The following YWHAE variants were observed in gnomAD, a reference collection of about 807,000 sequenced individuals.
YWHAE encodes the protein tyrosine 3-monooxygenase/tryptophan 5-monooxygenase activation protein epsilon.
In YWHAE, 4 loss-of-function variants were observed where a neutral mutation model predicts 30.1. The observed-to-expected ratio is 0.13, with a 90% CI of 0.07 to 0.30. The LOEUF (loss-of-function observed/expected upper bound fraction) is 0.30, where lower values mean the gene tolerates loss of function less well. Ranked by LOEUF, YWHAE falls within the 10% of genes least tolerant of loss-of-function variation. The probability of loss-of-function intolerance (pLI) is 1.00; values close to 1 mark genes in which losing one functional copy is unlikely to be tolerated. For missense variants in YWHAE, 121 were observed against 315.9 expected (o/e 0.38, Z 4.68); for synonymous variants, 118 against 111.8 (o/e 1.06, Z -0.35).
rs2072855982 is a variant in YWHAE at position 1,361,034 on chromosome 17, C to T, written c.578+58G>A. The T allele has an allele frequency of 4.6e-6, 7 of 1,526,364 alleles. No homozygotes were observed. The South Asian group carries it at 6.8e-5, about 15-fold the overall frequency. The allele number at this position is 1,526,364 out of a possible 1,614,324, so 94.6% of individuals were successfully genotyped here. On this transcript the variant is annotated intron_variant, in intron 4 of 5. Coordinates refer to ENST00000264335, the MANE Select transcript of YWHAE (RefSeq NM_006761.5). ...GGCCCAAGAAACAACACGGAAAACC[C>T]AAACAGCGCCCCCCTTAACTTTCAC...
chr17:1,399,696 A>C lies in YWHAE; in HGVS notation c.64+351T>G, dbSNP rs530603068. 1.8e-3 allele frequency: 809 copies of C among 461,904 alleles called. 3 individuals are homozygous for C. Among genetic ancestry groups the C allele is most frequent in the Middle Eastern group, 2.5e-3 (4 of 1,622 alleles). 28.6% of individuals were successfully genotyped at this position (461,904 alleles called of 1,614,324 possible). On this transcript the variant is annotated intron_variant, in intron 1 of 5. Transcript: ENST00000264335. ...CTCCACATCCCAAGGCCGTCCCAGA[A>C]GCTCCCATGAGGGTGGCTCGTTCGG...
chr17:1,392,877 C>T (rs1387724117), intron 1 of YWHAE, among the ~76,000 whole-genome samples: 1 of 150,494 alleles, frequency 6.6e-6, no homozygotes, highest in Non-Finnish European at 1.5e-5. Context: ...TGTATGACTA[C>T]ATCACTAACC....
At chr17:1,387,876 T>G (rs971010571) in intron 1 of YWHAE, among the ~76,000 whole-genome samples, 4 of 150,870 alleles carry the variant, frequency 2.7e-5, no homozygotes, top group Non-Finnish European at 1.5e-5. Flanking sequence ...TCCACCCTTC[T>G]TGGCCTCCCA....
intron 4 of YWHAE, among the ~76,000 whole-genome samples, chr17:1,355,297 C>A (rs1202044027): frequency 6.7e-6 from 1 of 150,320 alleles, no homozygotes; most frequent in Non-Finnish European, 1.5e-5. Flanking sequence ...GCCGGGACTA[C>A]AGGCGCCCGC....
intron 3 of YWHAE, 95 bp downstream of exon 3, chr17:1,361,807 C>T (rs1033188422): frequency 1.3e-5 from 9 of 706,092 alleles, no homozygotes; most frequent in South Asian, 2.8e-5. Context: ...AACAATTATT[C>T]TTAAATAAAA....
Position 1,368,167 on chromosome 17 carries a change from A to G in YWHAE, c.65-3109T>C, listed in dbSNP as rs201846038. Among the ~76,000 whole-genome samples, 3 of 152,228 alleles carry G rather than the reference A, an allele frequency of 2.0e-5. No individual in the cohort carries two copies. In the East Asian group the frequency reaches 5.8e-4, roughly 29 times the overall value. On this transcript the variant is annotated intron_variant, in intron 1 of 5. Coordinates refer to ENST00000264335, the MANE Select transcript of YWHAE (RefSeq NM_006761.5). ...TTTGGGAGGCCGAGGCAGGCAGATCACCTGAGGTCGGGAGATCGAGACCAG... is the reference window on the plus strand; with the variant it reads ...TTTGGGAGGCCGAGGCAGGCAGATCGCCTGAGGTCGGGAGATCGAGACCAG...
chr17:1,349,429 T>C (rs2072583994), intron 5 of YWHAE, among the ~76,000 whole-genome samples: 1 of 152,214 alleles, frequency 6.6e-6, no homozygotes, highest in African/African-American at 2.4e-5. Context: ...CAGAGTTTGT[T>C]AGTTGTACCG....
chr17:1,361,941 G>A lies in YWHAE; in HGVS notation c.332C>T (p.Ala111Val), dbSNP rs2072870870. 1 of 1,608,386 alleles carries A rather than the reference G, an allele frequency of 6.2e-7. No homozygotes were observed. The highest frequency in any genetic ancestry group is 1.1e-5 in the South Asian group (1 of 89,592). ...AACCTTGGACTCGCCAGTGTTAGCT[G>A]CTGGAATGAGGTGTTTGTCCAGTAC... Reference protein sequence around the residue: ...LDVLDKHLIPAANTGESKVFY... With the variant: ...LDVLDKHLIPVANTGESKVFY... The change falls in exon 3 of 6, where the codon GCA (alanine) becomes GTA (valine). Residue 111 changes from alanine to valine, a missense_variant. Coordinates refer to ENST00000264335, the MANE Select transcript of YWHAE (RefSeq NM_006761.5).
At chr17:1,374,017 T>C (rs1473139645) in intron 1 of YWHAE, among the ~76,000 whole-genome samples, 2 of 152,136 alleles carry the variant, frequency 1.3e-5, no homozygotes, top group Non-Finnish European at 2.9e-5. Context: ...TATACTATGC[T>C]TTAAAAATCC....
chr17:1,345,208 G>A lies in YWHAE; in HGVS notation c.*239C>T, dbSNP rs373719775. The stretch of plus-strand genomic sequence containing the variant: ...AAAAAGCCTCTATGTAGTCCTGTTA[G>A]TGTCTTAAAGAACCTAAAAGCTGGG... On this transcript the variant is annotated 3_prime_UTR_variant, in exon 6 of 6. Coordinates refer to ENST00000264335, the MANE Select transcript of YWHAE (RefSeq NM_006761.5). 5.4e-6 allele frequency: 3 copies of A among 558,836 alleles called. No homozygotes were observed. Among genetic ancestry groups the A allele is most frequent in the East Asian group, 2.9e-5 (1 of 34,172 alleles). 34.6% of individuals were successfully genotyped at this position (558,836 alleles called of 1,614,324 possible).
intron 1 of YWHAE, among the ~76,000 whole-genome samples, chr17:1,388,101 G>C (rs138521113): frequency 1.6e-5 from 1 of 62,358 alleles, no homozygotes; most frequent in East Asian, 4.7e-4. Flanking sequence ...GGTAATTTTT[G>C]TTTTTTTTTT....
intron 4 of YWHAE, among the ~76,000 whole-genome samples, chr17:1,359,912 AGACGGGGAGGGGGAGGGGGGGAG>A (rs2072830808): frequency 2.6e-5 from 1 of 38,654 alleles, no homozygotes; most frequent in Non-Finnish European, 4.5e-5. Flanking sequence ...AGAGAGAGGG[AGACGGGGAGGGGGAGGGGGGGAG>A]GAGGGGGAGG....
At chr17:1,365,623 G>A (rs2072929974) in intron 1 of YWHAE, among the ~76,000 whole-genome samples, 1 of 152,148 alleles carries the variant, frequency 6.6e-6, no homozygotes, top group Non-Finnish European at 1.5e-5. Context: ...GGCGAGCAAA[G>A]AAAGGGGCCC....
chr17:1,351,560 G>A (rs977223993), intron 5 of YWHAE, among the ~76,000 whole-genome samples: 2 of 152,096 alleles, frequency 1.3e-5, no homozygotes, highest in African/African-American at 2.4e-5. Context: ...AGAGATACTA[G>A]CATCTGAGCT....
chr17:1,354,964 G>GTTTTTT (rs56351171), intron 4 of YWHAE, among the ~76,000 whole-genome samples: 24 of 74,736 alleles, frequency 3.2e-4, no homozygotes, highest in South Asian at 7.2e-4. Flanking sequence ...GCCCAGCCTA[G>GTTTTTT]TTTTTTTTTT....
intron 5 of YWHAE, among the ~76,000 whole-genome samples, chr17:1,352,635 C>G (rs1029634644): frequency 6.6e-6 from 1 of 152,062 alleles, no homozygotes; most frequent in Non-Finnish European, 1.5e-5. Context: ...AAGCAATTCT[C>G]CGGCCTCAGC....
chr17:1,365,393 T>A (rs1226249819), intron 1 of YWHAE, among the ~76,000 whole-genome samples: 4 of 152,112 alleles, frequency 2.6e-5, no homozygotes, highest in Non-Finnish European at 5.9e-5. Context: ...GAGCTGTCAG[T>A]TTAAGAGAAA....
intron 1 of YWHAE, among the ~76,000 whole-genome samples, chr17:1,382,556 TTCACTATG>T: frequency 6.7e-6 from 1 of 150,024 alleles, no homozygotes; most frequent in Non-Finnish European, 1.5e-5. Context: ...GAGACGGGGT[TTCACTATG>T]TTAGCCAGGA....
chr17:1,387,664 C>T lies in YWHAE; in HGVS notation c.64+12383G>A, dbSNP rs1008841460. ...GCGGGGATGGAGTCTTACTGTTTCC[C>T]AGGCTGGAGTGCAGTGCCACAATCT... On this transcript the variant is annotated intron_variant, in intron 1 of 5. Transcript: ENST00000264335. Among the ~76,000 whole-genome samples the T allele has an allele frequency of 3.9e-5, 6 of 152,062 alleles. No individual in the cohort carries two copies. The South Asian group carries it at 8.3e-4, about 21-fold the overall frequency.
Sources: allele counts gnomAD v4.1 joint callset (sites outside exome capture counted in the v4.1 genomes callset), GRCh38; gene constraint gnomAD v4.1.1; transcripts MANE v1.5; gene names NCBI Gene and HGNC (gene_info 2026-07-23, HGNC 2026-07-21).